TULP4: variants seen among roughly 807,000 people sequenced by gnomAD.
The protein encoded by TULP4 is TUB like protein 4.
In TULP4, 16 loss-of-function variants were observed where a neutral mutation model predicts 129.0. The observed-to-expected ratio is 0.12, with a 90% CI of 0.08 to 0.19. TULP4 has a LOEUF of 0.19. TULP4 is among the 10% of genes least tolerant of loss of function. The pLI is 1.00. For missense variants in TULP4, 1,842 were observed against 2,059.1 expected, an observed-to-expected ratio of 0.89 and a Z score of 2.04; for synonymous variants, 998 against 854.0, an observed-to-expected ratio of 1.17 and a Z score of -2.94.
At chr6:158,277,912 G>C (rs1037649046), upstream of TULP4, among the ~76,000 whole-genome samples, 9 of 152,100 alleles carry the variant, frequency 5.9e-5, no homozygotes, top group Admixed American at 2.6e-4. Context: ...CTTGGCTTGA[G>C]GCAACTCTGT....
At chr6:158,262,091 G>A (rs908182206) in intron 1 of TULP4, among the ~76,000 whole-genome samples, 5 of 152,230 alleles carry the variant, frequency 3.3e-5, no homozygotes, top group African/African-American at 1.2e-4. Flanking sequence ...AGGGAGACTG[G>A]ACACTGGGTA....
chr6:158,497,592 A>G (rs565344964), intron 11 of TULP4, among the ~76,000 whole-genome samples: 3 of 152,336 alleles, frequency 2.0e-5, no homozygotes, highest in African/African-American at 7.2e-5. Flanking sequence ...TGCTTTGTCA[A>G]TGTGAACAAC....
rs1779817106 is a variant in TULP4, at chr6:158,476,212, G to A, written c.1027-3539G>A. 2.6e-5 allele frequency among the ~76,000 whole-genome samples: 4 copies of A among 152,046 alleles called. No homozygotes were observed. The South Asian group carries it at 8.3e-4, about 32-fold the overall frequency. The stretch of plus-strand genomic sequence containing the variant: ...AAACTAAATTAAATTAAATCAATGT[G>A]TCCGTGCCCTGCCCTCTCCCAGAGT... On this transcript the variant is annotated intron_variant, in intron 6 of 13. Coordinates refer to ENST00000367097, the MANE Select transcript of TULP4 (RefSeq NM_020245.5).
chr6:158,498,551 A>T lies in TULP4; in HGVS notation c.1871-118A>T, dbSNP rs1330290188. On this transcript the variant is annotated intron_variant, in intron 11 of 13. Coordinates refer to ENST00000367097, the MANE Select transcript of TULP4 (RefSeq NM_020245.5). ...CTCAGCCTCTGGGCCCTGCCTACAC[A>T]GATCTGTCTTCTGATGGCAGGGAAA... 7 of 1,300,488 alleles carry T rather than the reference A, an allele frequency of 5.4e-6. No individual in the cohort carries two copies. In the African/African-American group the frequency reaches 1.0e-4, roughly 19 times the overall value. 80.6% of individuals were successfully genotyped at this position (1,300,488 alleles called of 1,614,324 possible).
chr6:158,239,005 C>T (rs1357842502), intron 1 of TULP4, among the ~76,000 whole-genome samples: 7 of 141,286 alleles, frequency 5.0e-5, no homozygotes, highest in Admixed American at 1.4e-4. Flanking sequence ...TAGGGGTGGC[C>T]GGGCAGAGGC....
At chr6:158,437,884 G>A (rs957126264) in intron 3 of TULP4, 1 of 152,170 alleles carries the variant, frequency 6.6e-6, no homozygotes, top group South Asian at 2.1e-4. Context: ...TGTGGGCTGT[G>A]GTTTGCTATG....
chr6:158,241,739 C>T (rs577546655), intron 1 of TULP4: 14 of 412,098 alleles, frequency 3.4e-5, no homozygotes, highest in South Asian at 2.9e-4. Flanking sequence ...GGACTACAGG[C>T]ACGCACCATC....
At chr6:158,325,242 C>T (rs1288096474) in intron 1 of TULP4, among the ~76,000 whole-genome samples, 1 of 151,940 alleles carries the variant, frequency 6.6e-6, no homozygotes, top group African/African-American at 2.4e-5. Context: ...AAATAATAGT[C>T]TTAAAGAAGT....
At chr6:158,381,845 C>G (rs1439421640) in intron 1 of TULP4, among the ~76,000 whole-genome samples, 1 of 152,144 alleles carries the variant, frequency 6.6e-6, no homozygotes, top group Admixed American at 6.5e-5. Context: ...TGAATTTTCT[C>G]TTAATCATTT....
chr6:158,452,417 C>A, intron 5 of TULP4, 149 bp downstream of exon 5: 2 of 968,538 alleles, frequency 2.1e-6, no homozygotes, highest in Non-Finnish European at 3.0e-6. Context: ...TAAAGCCACT[C>A]CCTCTTCACT....
At chr6:158,305,384 T>C (rs1562512500) in intron 1 of TULP4, among the ~76,000 whole-genome samples, 2 of 151,518 alleles carry the variant, frequency 1.3e-5, no homozygotes, top group Non-Finnish European at 2.9e-5. Flanking sequence ...ACATTTTGTT[T>C]ACCCGTTCAT....
chr6:158,255,473 C>T (rs1301705404), intron 1 of TULP4, among the ~76,000 whole-genome samples: 1 of 152,100 alleles, frequency 6.6e-6, no homozygotes, highest in East Asian at 1.9e-4. Context: ...GAGCCAGAGA[C>T]CTAGTTCTGG....
chr6:158,407,625 C>A (rs561988035), intron 1 of TULP4, among the ~76,000 whole-genome samples: 7 of 152,050 alleles, frequency 4.6e-5, no homozygotes, highest in Non-Finnish European at 7.4e-5. Flanking sequence ...AATGTGGTCT[C>A]TCAATACAAT....
At chr6:158,381,137 A>G (rs571557006) in intron 1 of TULP4, among the ~76,000 whole-genome samples, 1 of 146,610 alleles carries the variant, frequency 6.8e-6, no homozygotes, top group African/African-American at 2.5e-5. Flanking sequence ...GACTGCAGGC[A>G]AGAAGATAGG....
chr6:158,391,808 C>T (rs1365686705), intron 1 of TULP4, among the ~76,000 whole-genome samples: 1 of 148,314 alleles, frequency 6.7e-6, no homozygotes, highest in Non-Finnish European at 1.5e-5. Flanking sequence ...ATTCATTTTA[C>T]TTATGGAGAG....
At chr6:158,252,626 G>A (rs545753686) in intron 1 of TULP4, among the ~76,000 whole-genome samples, 2 of 152,130 alleles carry the variant, frequency 1.3e-5, no homozygotes, top group African/African-American at 2.4e-5. Flanking sequence ...TGCCCGCCTC[G>A]GCCTCCCAAA....
intron 1 of TULP4, among the ~76,000 whole-genome samples, chr6:158,269,270 A>G (rs1406701575): frequency 6.6e-6 from 1 of 152,064 alleles, no homozygotes; most frequent in Non-Finnish European, 1.5e-5. Context: ...AGTTTGGTGG[A>G]AAAAAGTATG....
rs151030853 is a variant in TULP4, at chr6:158,371,615, G to A, written c.253-41450G>A. Among the ~76,000 whole-genome samples the A allele has an allele frequency of 1.7e-3, 266 of 152,234 alleles. 2 individuals are homozygous for A. The highest frequency in any genetic ancestry group is 6.0e-3 in the African/African-American group (248 of 41,538). On this transcript the variant is annotated intron_variant, in intron 1 of 13. Coordinates refer to ENST00000367097, the MANE Select transcript of TULP4 (RefSeq NM_020245.5). ...TAACTTATTCTAAAGTGAAGTGGAG[G>A]CTGACAAGAGAGATTATAACAGCGT... is the stretch of plus-strand genomic sequence containing the variant.
At chr6:158,369,093 G>A (rs765860743) in intron 1 of TULP4, among the ~76,000 whole-genome samples, 1 of 152,076 alleles carries the variant, frequency 6.6e-6, no homozygotes, top group African/African-American at 2.4e-5. Flanking sequence ...TTCATGCAAA[G>A]GTCATGATTA....
Sources: allele counts gnomAD v4.1 joint callset (sites outside exome capture counted in the v4.1 genomes callset), GRCh38; gene constraint gnomAD v4.1.1; transcripts MANE v1.5; gene names NCBI Gene and HGNC (gene_info 2026-07-23, HGNC 2026-07-21).